ZNF667: variants seen among roughly 807,000 people sequenced by gnomAD.
ZNF667 encodes zinc finger protein 667, also known as myocardial ischemic preconditioning upregulated 1 ortholog.
Under a neutral mutation model 31.8 loss-of-function variants are expected in ZNF667, and 13 were observed. The observed-to-expected ratio is 0.41, with a 90% CI of 0.27 to 0.65. The LOEUF is 0.65. Ranked by LOEUF, ZNF667 falls within the 30% of genes least tolerant of loss-of-function variation. The pLI, the probability that ZNF667 is intolerant of heterozygous loss-of-function variation, is 0.32. For missense variants in ZNF667, 642 were observed against 725.6 expected (o/e 0.88, Z 1.32); for synonymous variants, 228 against 247.1 (o/e 0.92, Z 0.73).
intron 2 of ZNF667, among the ~76,000 whole-genome samples, chr19:56,473,448 C>T (rs1346478515): frequency 2.6e-5 from 4 of 152,182 alleles, no homozygotes; most frequent in African/African-American, 9.7e-5. Flanking sequence ...AACCTAACAG[C>T]CCATCAATAG....
chr19:56,477,863 C>A (rs1044927283), upstream of ZNF667: 1 of 152,434 alleles, frequency 6.6e-6, no homozygotes, highest in Non-Finnish European at 1.5e-5. Context: ...CGCAGTCATC[C>A]TGCGACCTCC....
intron 4 of ZNF667, among the ~76,000 whole-genome samples, chr19:56,461,424 G>A (rs56197597): frequency 0.016 from 2,427 of 152,234 alleles, 76 homozygotes; most frequent in African/African-American, 0.056. Flanking sequence ...TCTTGAAGAT[G>A]AAAAATGAGG....
intron 6 of ZNF667, among the ~76,000 whole-genome samples, chr19:56,444,558 C>A (rs2042686272): frequency 1.5e-5 from 2 of 134,838 alleles, no homozygotes; most frequent in African/African-American, 2.9e-5. Context: ...TCACCTCCCA[C>A]CAGACCCCAC....
intron 3 of ZNF667, chr19:56,467,030 T>A (rs953427524): frequency 6.6e-6 from 3 of 456,568 alleles, no homozygotes; most frequent in Non-Finnish European, 1.3e-5. Flanking sequence ...CCCTCTCTTA[T>A]GGTCTGGATT....
At chr19:56,460,149 G>C (rs983698583) in intron 5 of ZNF667, among the ~76,000 whole-genome samples, 2 of 152,126 alleles carry the variant, frequency 1.3e-5, no homozygotes, top group Non-Finnish European at 2.9e-5. Flanking sequence ...AAAATAACAA[G>C]AGTGAAAACA....
chr19:56,469,337 C>T (rs182981158), intron 3 of ZNF667, among the ~76,000 whole-genome samples: 1 of 152,292 alleles, frequency 6.6e-6, no homozygotes, highest in African/African-American at 2.4e-5. Flanking sequence ...TGAGGCGGCC[C>T]CCAGTGGTGG....
intron 3 of ZNF667, chr19:56,468,262 C>G (rs1324491501): frequency 6.6e-6 from 1 of 152,236 alleles, no homozygotes; most frequent in Non-Finnish European, 1.5e-5. Flanking sequence ...ACAGAGGACA[C>G]ACAGAACTCA....
At position 56,441,275 on chromosome 19, in the gene ZNF667, G is replaced by T; in HGVS notation, c.1720C>A (p.Gln574Lys). ...FSSGSDLIRHQRSHSSEKPYE... is the reference protein window; with the variant it reads ...FSSGSDLIRHKRSHSSEKPYE... The stretch of plus-strand genomic sequence containing the variant: ...GGTTTCTCTGAAGAATGACTTCTCT[G>T]ATGTCGAATAAGGTCTGAGCCACTG... Residue 574 changes from glutamine to lysine, a missense_variant, in exon 7 of 7, where the codon CAG becomes AAG. Coordinates refer to ENST00000504904, the MANE Select transcript of ZNF667 (RefSeq NM_001321356.2). This position sits in a 1 kb window ranked among gnomAD's most constrained non-coding sequence, Gnocchi z 4.2. The T allele has an allele frequency of 6.2e-7, 1 of 1,614,066 alleles. No individual in the cohort carries two copies. The highest frequency in any genetic ancestry group is 8.5e-7 in the Non-Finnish European group (1 of 1,179,982).
Position 56,449,008 on chromosome 19 carries a change from A to G in ZNF667, c.254-6267T>C, listed in dbSNP as rs375705633. The stretch of plus-strand genomic sequence containing the variant: ...TCAGGGAAAGTAAGGGAAAAGAATG[A>G]CTTCCTGGTAATCTAGGGAATTCTC... On this transcript the variant is annotated intron_variant, in intron 6 of 6. Coordinates refer to ENST00000504904, the MANE Select transcript of ZNF667 (RefSeq NM_001321356.2). 1.4e-4 allele frequency among the ~76,000 whole-genome samples: 21 copies of G among 152,282 alleles called. No homozygotes were observed. In the East Asian group the frequency reaches 3.9e-3, roughly 28 times the overall value.
At chr19:56,459,106 G>A (rs1404892685) in intron 5 of ZNF667, among the ~76,000 whole-genome samples, 1 of 152,176 alleles carries the variant, frequency 6.6e-6, no homozygotes, top group Non-Finnish European at 1.5e-5. Context: ...GAACTGTTTG[G>A]TGTGTGTGGG....
intron 2 of ZNF667, among the ~76,000 whole-genome samples, chr19:56,473,270 G>A (rs777573730): frequency 1.3e-5 from 2 of 152,164 alleles, no homozygotes; most frequent in East Asian, 1.9e-4. Flanking sequence ...GTCCTCTCCC[G>A]GCCTGAGCTT....
chr19:56,442,960 A>C, intron 6 of ZNF667, among the ~76,000 whole-genome samples: 1 of 152,168 alleles, frequency 6.6e-6, no homozygotes. Context: ...AAAATGAATA[A>C]GATTTTATTT....
chr19:56,465,566 GT>G (rs1477875739), intron 3 of ZNF667, among the ~76,000 whole-genome samples: 2 of 152,264 alleles, frequency 1.3e-5, no homozygotes, highest in Non-Finnish European at 2.9e-5. Context: ...GGCAAGTCCA[GT>G]TCTGACGCCG....
chr19:56,455,647 G>A (rs952096615), intron 6 of ZNF667, among the ~76,000 whole-genome samples: 2 of 152,078 alleles, frequency 1.3e-5, no homozygotes, highest in African/African-American at 4.8e-5. Context: ...AAAAGGAGAT[G>A]GTTAGTGGGT....
chr19:56,453,704 T>C (rs1600420612), intron 6 of ZNF667, among the ~76,000 whole-genome samples: 1 of 152,334 alleles, frequency 6.6e-6, no homozygotes, highest in African/African-American at 2.4e-5. Flanking sequence ...AAGCCGTATA[T>C]GACAGACCCA....
intron 6 of ZNF667, among the ~76,000 whole-genome samples, chr19:56,449,826 A>C (rs577245652): frequency 1.3e-5 from 2 of 152,164 alleles, no homozygotes; most frequent in East Asian, 3.9e-4. Context: ...TCTGGAGCTG[A>C]AAAATTCAGT....
At chr19:56,442,881 G>T (rs1376997389) in intron 6 of ZNF667, 140 bp from the exon 7 acceptor site, 74 of 1,175,874 alleles carry the variant, frequency 6.3e-5, no homozygotes, top group Non-Finnish European at 8.2e-5. Flanking sequence ...GTTTTATTGT[G>T]GTTTTGATGA....
intron 6 of ZNF667, among the ~76,000 whole-genome samples, chr19:56,454,805 A>T (rs1309932978): frequency 6.6e-6 from 1 of 151,820 alleles, no homozygotes; most frequent in Non-Finnish European, 1.5e-5. Context: ...ACAGGCAATG[A>T]AACTAAAAAT....
Position 56,470,003 on chromosome 19 carries a change from T to C in ZNF667, c.-60+1696A>G, listed in dbSNP as rs776394010. The C allele has an allele frequency of 1.9e-5, 9 of 463,076 alleles. No individual in the cohort carries two copies. In the Middle Eastern group the frequency reaches 9.7e-4, roughly 50 times the overall value. The allele number at this position is 463,076 out of a possible 1,614,324, so 28.7% of individuals were successfully genotyped here. ...CATTCCATTGTGAGCACATTTGCCT[T>C]CTGGCTTTATCTCTTGTCCTCCACC... On this transcript the variant is annotated intron_variant, in intron 3 of 6. Transcript: ENST00000504904.
Sources: allele counts gnomAD v4.1 joint callset (sites outside exome capture counted in the v4.1 genomes callset), GRCh38; gene constraint gnomAD v4.1.1; non-coding constraint Gnocchi (gnomAD v3.1); transcripts MANE v1.5; gene names NCBI Gene and HGNC (gene_info 2026-07-23, HGNC 2026-07-21).